GARS1: variants seen among roughly 807,000 people sequenced by gnomAD.
The protein encoded by GARS1 is glycine--tRNA ligase.
GARS1 carries 46 observed loss-of-function variants against 86.4 expected under a neutral mutation model. The ratio of observed to expected loss-of-function variants is 0.53; its 90% confidence interval spans 0.42 to 0.68. The LOEUF (loss-of-function observed/expected upper bound fraction) is 0.68, where lower values mean the gene tolerates loss of function less well. Among genes scored for constraint, GARS1 ranks in the 30% least tolerant of loss-of-function variants. GARS1 has a pLI of 0.00. For synonymous variants in GARS1, 342 were observed against 329.8 expected (o/e 1.04, Z -0.40); for missense variants, 797 against 915.6 (o/e 0.87, Z 1.67).
At chr7:30,631,228 T>G in intron 14 of GARS1, 1 of 446,204 alleles carries the variant, frequency 2.2e-6, no homozygotes, top group South Asian at 2.1e-5. Context: ...TCAGAAAGAG[T>G]TCATGACTTG....
chr7:30,617,178 T>C lies in GARS1; in HGVS notation c.1259T>C (p.Val420Ala), dbSNP rs1230299356. 5 of 1,614,084 alleles carry C rather than the reference T, an allele frequency of 3.1e-6. No individual in the cohort carries two copies. The highest frequency in any genetic ancestry group is 4.2e-6 in the Non-Finnish European group (5 of 1,179,958). ...IGRIYLYLTK[V>A]GISPDKLRFR... ...CGCATCTACCTCTACCTCACGAAGG[T>C]TGGAATATCTCCAGATAAACTCCGC... is the stretch of plus-strand genomic sequence containing the variant. The change falls in exon 10 of 17, where the codon GTT (valine) becomes GCT (alanine). Residue 420 changes from valine to alanine, a missense_variant. By Grantham distance (64) the Val-to-Ala change is moderately conservative (BLOSUM62 0). This residue lies in a region of GARS1 where 598 missense variants were observed against 738.7 expected (regional missense o/e 0.81). Coordinates refer to ENST00000389266, the MANE Select transcript of GARS1 (RefSeq NM_002047.4).
intron 14 of GARS1, among the ~76,000 whole-genome samples, chr7:30,629,822 A>C (rs558738476): frequency 1.8e-4 from 28 of 152,350 alleles, no homozygotes; most frequent in African/African-American, 6.5e-4. Context: ...GTTCTTTTTG[A>C]GAAATGATGA....
rs960876782 is a variant in GARS1, at chr7:30,622,430, T to C, written c.1581T>C (p.Ile527=). ...EYLAICDECY[I]TEMEMLLNEK... ...TTGCCATTTGTGATGAGTGCTACATTACAGAAATGGAGATGCTGCTGAATG... is the reference window on the plus strand; with the variant it reads ...TTGCCATTTGTGATGAGTGCTACATCACAGAAATGGAGATGCTGCTGAATG... Residue 527 remains isoleucine, a synonymous_variant, in exon 12 of 17, where the codon ATT becomes ATC. Transcript: ENST00000389266. The C allele has an allele frequency of 8.1e-6, 13 of 1,614,018 alleles. No individual in the cohort carries two copies. The highest frequency in any genetic ancestry group is 1.1e-5 in the Non-Finnish European group (13 of 1,180,004).
Position 30,594,958 on chromosome 7 carries a change from C to G in GARS1, c.37C>G (p.Arg13Gly). 3 of 1,595,890 alleles carry G rather than the reference C, an allele frequency of 1.9e-6. No homozygotes were observed. The highest frequency in any genetic ancestry group is 2.5e-6 in the Non-Finnish European group (3 of 1,178,228). Reference sequence around the variant, plus strand: ...GCGTCCAGTGCTGCTTAGAGGTGCTCGCGCCGCTCTGCTGCTGCTGCTGCC... The same window carrying G: ...GCGTCCAGTGCTGCTTAGAGGTGCTGGCGCCGCTCTGCTGCTGCTGCTGCC... ...SPRPVLLRGA[R>G]AALLLLLPPR... Residue 13 changes from arginine (R) to glycine (G), a missense_variant, in exon 1 of 17, where the codon CGC (arginine) becomes GGC (glycine). Arg to Gly is a moderately radical substitution (Grantham distance 125, BLOSUM62 -2). Coordinates refer to ENST00000389266, the MANE Select transcript of GARS1 (RefSeq NM_002047.4).
In GARS1 at chr7:30,632,073, T is replaced by C; in HGVS notation, c.1904-174T>C. 1 of 666,116 alleles carries C rather than the reference T, an allele frequency of 1.5e-6. No homozygotes were observed. 41.3% of individuals were successfully genotyped at this position (666,116 alleles called of 1,614,324 possible). On this transcript the variant is annotated intron_variant, in intron 15 of 16. Coordinates refer to ENST00000389266, the MANE Select transcript of GARS1 (RefSeq NM_002047.4). This position sits in a 1 kb window ranked among gnomAD's most constrained non-coding sequence, Gnocchi z 4.1. ...TGGAGGTATGAGTGAAGATTTGGAT[T>C]CCCGCAAGGGATTTATTAAACTTTA...
rs752640031 is a variant in GARS1 at position 30,615,940 on chromosome 7, A to T, written c.1076A>T (p.Glu359Val). Reference sequence around the variant, plus strand: ...ATTGAGCACTTTGTAGATCCCAGTGAGAAAGACCACCCCAAGTTCCAGAAT... The same window carrying T: ...ATTGAGCACTTTGTAGATCCCAGTGTGAAAGACCACCCCAAGTTCCAGAAT... ...AEIEHFVDPSEKDHPKFQNVA... is the reference protein window; with the variant it reads ...AEIEHFVDPSVKDHPKFQNVA... The change falls in exon 9 of 17, where the codon GAG (glutamate) becomes GTG (valine). Residue 359 changes from glutamate (E) to valine (V), a missense_variant. Glu to Val is a moderately radical substitution (Grantham distance 121). This residue lies in a region of GARS1 where 598 missense variants were observed against 738.7 expected (regional missense o/e 0.81). Coordinates refer to ENST00000389266, the MANE Select transcript of GARS1 (RefSeq NM_002047.4). The T allele has an allele frequency of 6.2e-7, 1 of 1,614,118 alleles. No individual in the cohort carries two copies. The highest frequency in any genetic ancestry group is 1.7e-5 in the Admixed American group (1 of 60,010).
intron 13 of GARS1, 90 bp downstream of exon 13, chr7:30,626,409 T>C: frequency 1.3e-6 from 1 of 797,754 alleles, no homozygotes; most frequent in Non-Finnish European, 2.2e-6. Flanking sequence ...TCACCCAGGC[T>C]GGAGTGCAGT....
rs780519311 is a variant in GARS1 at position 30,615,960 on chromosome 7, C to T, written c.1096C>T (p.Gln366Ter). Residue 366 changes from glutamine to a stop codon, truncating the protein, a stop_gained, in exon 9 of 17, where the codon CAG (glutamine) becomes TAG (stop). Coordinates refer to ENST00000389266, the MANE Select transcript of GARS1 (RefSeq NM_002047.4). LOFTEE classifies it high-confidence loss of function. ...DPSEKDHPKF[Q>*]NVADLHLYLY... ...CAGTGAGAAAGACCACCCCAAGTTCCAGAATGTGGCAGACCTTCACCTTTA... is the reference window on the plus strand; with the variant it reads ...CAGTGAGAAAGACCACCCCAAGTTCTAGAATGTGGCAGACCTTCACCTTTA... 1 of 1,614,160 alleles carries T rather than the reference C, an allele frequency of 6.2e-7. No individual in the cohort carries two copies. Among genetic ancestry groups the T allele is most frequent in the Admixed American group, 1.7e-5 (1 of 60,024 alleles).
intron 8 of GARS1, among the ~76,000 whole-genome samples, chr7:30,614,736 C>T (rs980523860): frequency 2.2e-4 from 34 of 151,840 alleles, no homozygotes; most frequent in Admixed American, 6.6e-4. Context: ...ATTAGCCGGG[C>T]GTGGTGGCGG....
chr7:30,627,267 G>T, intron 13 of GARS1: 1 of 246,818 alleles, frequency 4.1e-6, no homozygotes, highest in Non-Finnish European at 8.2e-6. Context: ...GTAAGCGGGG[G>T]CTTCTCCATC....
intron 14 of GARS1, among the ~76,000 whole-genome samples, chr7:30,629,796 G>A (rs983405674): frequency 2.6e-5 from 4 of 152,202 alleles, no homozygotes; most frequent in East Asian, 3.8e-4. Flanking sequence ...CCCCAGGTGC[G>A]CAAACATAAG....
intron 4 of GARS1, among the ~76,000 whole-genome samples, chr7:30,602,412 T>C (rs1459973135): frequency 6.6e-6 from 1 of 152,218 alleles, no homozygotes; most frequent in Non-Finnish European, 1.5e-5. Context: ...TAACTCGTCA[T>C]TATTCATTTA....
Position 30,622,471 on chromosome 7 carries a change from T to C in GARS1, c.1613+9T>C, listed in dbSNP as rs75855065. ...CTGCTGAATGAGAAAGGGTAAGATA[T>C]CAGATGTTTACTCTTCCATGGGCTC... On this transcript the variant is annotated intron_variant, in intron 12 of 16. Coordinates refer to ENST00000389266, the MANE Select transcript of GARS1 (RefSeq NM_002047.4). 65,607 of 1,613,776 alleles carry C rather than the reference T, an allele frequency of 0.041. 1,474 individuals are homozygous for C. The highest frequency in any genetic ancestry group is 0.075 in the African/African-American group (5,615 of 75,006).
rs755747869 is a variant in GARS1 at position 30,595,196 on chromosome 7, T to C, written c.222+53T>C. On this transcript the variant is annotated intron_variant, in intron 1 of 16. Transcript: ENST00000389266. ...GCCTCCGGCTCTCCTCCCAGGGCCT[T>C]CTTCTGGTCATCCTTCCCTCCTCCC... The C allele has an allele frequency of 2.6e-4, 368 of 1,420,036 alleles. 1 individual carries two copies. The highest frequency in any genetic ancestry group is 3.5e-4 in the Middle Eastern group (2 of 5,652). The allele number at this position is 1,420,036 out of a possible 1,614,324, so 88.0% of individuals were successfully genotyped here.
At chr7:30,606,743 G>C (rs1019084818) in intron 6 of GARS1, among the ~76,000 whole-genome samples, 2 of 152,132 alleles carry the variant, frequency 1.3e-5, no homozygotes, top group African/African-American at 4.8e-5. Context: ...TCTCCAAGGA[G>C]CCCTGGTACT....
At position 30,594,936 on chromosome 7, in the gene GARS1, T is replaced by C. The variant is rs1379670565; in HGVS notation, c.15T>C (p.Arg5=). 6.3e-7 allele frequency: 1 copy of C among 1,593,200 alleles called. No homozygotes were observed. The highest frequency in any genetic ancestry group is 8.5e-7 in the Non-Finnish European group (1 of 1,176,924). The part of the protein sequence containing the change: MPSP[R]PVLLRGARAA... ...GCCGCAGGCTCATGCCCTCTCCGCG[T>C]CCAGTGCTGCTTAGAGGTGCTCGCG... The change falls in exon 1 of 17, where the codon CGT becomes CGC. Residue 5 remains arginine, a synonymous_variant. Coordinates refer to ENST00000389266, the MANE Select transcript of GARS1 (RefSeq NM_002047.4).
rs1438278167 is a variant in GARS1, at chr7:30,604,113, A to T, written c.735+541A>T. 2.0e-5 allele frequency among the ~76,000 whole-genome samples: 3 copies of T among 152,204 alleles called. No homozygotes were observed. In the East Asian group the frequency reaches 5.8e-4, roughly 29 times the overall value. ...AGAAGACAAAAAAGAGACCACAGAG[A>T]TAATTTATTCTGACCTTTTACCAAT... On this transcript the variant is annotated intron_variant, in intron 6 of 16. Coordinates refer to ENST00000389266, the MANE Select transcript of GARS1 (RefSeq NM_002047.4).
At chr7:30,617,859 C>T (rs535427863) in intron 10 of GARS1, among the ~76,000 whole-genome samples, 81 of 152,174 alleles carry the variant, frequency 5.3e-4, no homozygotes, top group South Asian at 1.0e-3. Flanking sequence ...AGCGGAGGGA[C>T]GAAAGGCATT....
intron 13 of GARS1, 120 bp from the exon 14 acceptor site, chr7:30,628,440 C>T (rs1053117509): frequency 4.2e-6 from 3 of 710,704 alleles, no homozygotes; most frequent in Non-Finnish European, 7.7e-6. Flanking sequence ...CTACCTCAGC[C>T]TCCCAAAATG....
Sources: gnomAD v4.1 joint callset for allele counts (sites outside exome capture counted in the v4.1 genomes callset) on GRCh38, gnomAD v4.1.1 for gene constraint, gnomAD v4.1.1 regional missense constraint, Gnocchi (gnomAD v3.1) non-coding constraint, MANE v1.5 for transcripts, NCBI Gene and HGNC (gene_info 2026-07-23, HGNC 2026-07-21) for gene names.